Variants in SEMA6D observed in about 807,000 individuals in gnomAD.
SEMA6D encodes the protein semaphorin 6D, also known as semaphorin-6D.
In SEMA6D, 35 loss-of-function variants were observed where a neutral mutation model predicts 106.6. The observed-to-expected ratio is 0.33, with a 90% CI of 0.25 to 0.44. The LOEUF (loss-of-function observed/expected upper bound fraction) is 0.44, where lower values mean the gene tolerates loss of function less well. Ranked by LOEUF, SEMA6D falls within the 20% of genes least tolerant of loss-of-function variation. SEMA6D has a pLI of 1.00. For synonymous variants in SEMA6D, 499 were observed against 487.7 expected (o/e 1.02, Z -0.31); for missense variants, 1,185 against 1,345.9 (o/e 0.88, Z 1.87).
chr15:47,489,938 C>T (rs2043420256), intron 3 of SEMA6D, among the ~76,000 whole-genome samples: 1 of 152,146 alleles, frequency 6.6e-6, no homozygotes, highest in Non-Finnish European at 1.5e-5. Flanking sequence ...AGATGTGAGC[C>T]ACCACTCTCG....
chr15:47,279,696 G>T (rs993673534), intron 1 of SEMA6D, among the ~76,000 whole-genome samples: 1 of 152,068 alleles, frequency 6.6e-6, no homozygotes, highest in Non-Finnish European at 1.5e-5. Context: ...TTTGAGAGAC[G>T]TCCCATCAAT....
intron 1 of SEMA6D, among the ~76,000 whole-genome samples, chr15:47,300,371 G>A (rs2035972727): frequency 6.6e-6 from 1 of 151,754 alleles, no homozygotes; most frequent in South Asian, 2.1e-4. Context: ...AAAGAATGCA[G>A]TCAAGTTAAA....
Position 47,289,393 on chromosome 15 carries a change from CAAAA to C in SEMA6D, c.-239+104995_-239+104998del, listed in dbSNP as rs746946975. The stretch of plus-strand genomic sequence containing the variant: ...TGGGTGACAGAGCAAAACTCCATCT[CAAAA>C]AAAAAAAAAAAAAAAAAAAGAAAAG... On this transcript the variant is annotated intron_variant, in intron 1 of 19. Transcript: ENST00000558014. Among the ~76,000 whole-genome samples the C allele has an allele frequency of 1.5e-4, 7 of 46,546 alleles. No homozygotes were observed. In the South Asian group the frequency reaches 6.6e-3, roughly 44 times the overall value. 30.5% of individuals were successfully genotyped at this position (46,546 alleles called of 152,430 possible). A position where few individuals can be genotyped will look rare whatever the true frequency, so the allele number is the denominator to read the frequency against.
chr15:47,516,781 A>T (rs2044402821), intron 3 of SEMA6D, among the ~76,000 whole-genome samples: 1 of 152,218 alleles, frequency 6.6e-6, no homozygotes, highest in South Asian at 2.1e-4. Flanking sequence ...AGATTTGCTC[A>T]TAATTACCAA....
At chr15:47,448,335 T>C (rs902736566) in intron 2 of SEMA6D, among the ~76,000 whole-genome samples, 6 of 151,518 alleles carry the variant, frequency 4.0e-5, no homozygotes, top group Non-Finnish European at 7.4e-5. Context: ...TGGGCACAGC[T>C]GATCTGGTCC....
At chr15:47,726,506 G>A (rs114247368) in intron 1 of SEMA6D, among the ~76,000 whole-genome samples, 1,873 of 152,312 alleles carry the variant, frequency 0.012, 35 homozygotes, top group African/African-American at 0.043. Context: ...AGGGTACCTG[G>A]ACCCATGATA....
At chr15:47,614,767 C>T (rs1229229065) in intron 4 of SEMA6D, among the ~76,000 whole-genome samples, 1 of 152,116 alleles carries the variant, frequency 6.6e-6, no homozygotes, top group Non-Finnish European at 1.5e-5. Context: ...GGAGTCAGAC[C>T]CTTCTGGGCT....
chr15:47,608,358 G>T (rs1387273797), intron 4 of SEMA6D, among the ~76,000 whole-genome samples: 1 of 152,122 alleles, frequency 6.6e-6, no homozygotes, highest in African/African-American at 2.4e-5. Flanking sequence ...ACTGGGGATG[G>T]TTTTACTTTT....
chr15:47,595,487 T>C (rs1050866917), intron 3 of SEMA6D, among the ~76,000 whole-genome samples: 5 of 151,738 alleles, frequency 3.3e-5, no homozygotes, highest in African/African-American at 1.2e-4. Flanking sequence ...AGTACTCTTG[T>C]TGTTGTTGAG....
intron 4 of SEMA6D, among the ~76,000 whole-genome samples, chr15:47,623,247 C>A (rs2077141402): frequency 6.6e-6 from 1 of 152,206 alleles, no homozygotes; most frequent in Admixed American, 6.5e-5. Context: ...GTCTCAGCCT[C>A]ATGTGTTAGC....
chr15:47,488,490 C>CATGAGAT (rs1169074186), intron 3 of SEMA6D, among the ~76,000 whole-genome samples: 1 of 150,818 alleles, frequency 6.6e-6, no homozygotes, highest in Non-Finnish European at 1.5e-5. Flanking sequence ...AAAAAAACTG[C>CATGAGAT]ATGAGATTCC....
chr15:47,333,530 C>G (rs1366077007), intron 1 of SEMA6D, among the ~76,000 whole-genome samples: 1 of 151,836 alleles, frequency 6.6e-6, no homozygotes, highest in African/African-American at 2.4e-5. Context: ...AGTCCCAGAC[C>G]CAGAAGTACC....
intron 1 of SEMA6D, among the ~76,000 whole-genome samples, chr15:47,317,078 A>G (rs376627988): frequency 9.7e-4 from 147 of 152,188 alleles, no homozygotes; most frequent in South Asian, 1.5e-3. Flanking sequence ...TAGTTAATCA[A>G]TTTCTTTATA....
intron 2 of SEMA6D, among the ~76,000 whole-genome samples, chr15:47,439,481 C>G (rs1239001253): frequency 6.6e-6 from 1 of 152,100 alleles, no homozygotes; most frequent in Non-Finnish European, 1.5e-5. Flanking sequence ...TTTGAATGTA[C>G]TTTCTTCTCT....
intron 2 of SEMA6D, among the ~76,000 whole-genome samples, chr15:47,424,674 A>G (rs1567070228): frequency 6.6e-6 from 1 of 152,160 alleles, no homozygotes; most frequent in Non-Finnish European, 1.5e-5. Flanking sequence ...GCTAGGTCCT[A>G]CTGATGTAGG....
rs149759580 is a variant in SEMA6D, at chr15:47,265,858, C to T, written c.-239+81440C>T. On this transcript the variant is annotated intron_variant, in intron 1 of 19. Transcript: ENST00000558014. ...CCACAGTGTTAATCCTCTGCTCTTG[C>T]TCCTCAGAGAGTGCAACCTTTGTTG... 2.3e-3 allele frequency among the ~76,000 whole-genome samples: 350 copies of T among 152,224 alleles called. 2 individuals are homozygous for T. The highest frequency in any genetic ancestry group is 5.4e-3 in the South Asian group (26 of 4,830).
In SEMA6D at chr15:47,366,337, A is replaced by G. The variant is rs183351787; in HGVS notation, c.-238-46056A>G. Reference sequence around the variant, plus strand: ...TAAGGGTGGCACCTTCTGGAGTTGTACAGTGTGAACCTGCAAAGCCACGTG... The same window carrying G: ...TAAGGGTGGCACCTTCTGGAGTTGTGCAGTGTGAACCTGCAAAGCCACGTG... On this transcript the variant is annotated intron_variant, in intron 1 of 19. Coordinates refer to the SEMA6D transcript ENST00000558014. Among the ~76,000 whole-genome samples, 15 of 152,312 alleles carry G rather than the reference A, an allele frequency of 9.8e-5. No homozygotes were observed. The East Asian group carries it at 1.5e-3, about 16-fold the overall frequency.
chr15:47,699,042 A>G (rs1027536913), intron 4 of SEMA6D, among the ~76,000 whole-genome samples: 12 of 151,334 alleles, frequency 7.9e-5, no homozygotes, highest in Non-Finnish European at 1.3e-4. Context: ...AGAATATGAA[A>G]GAAGAATAAT....
intron 3 of SEMA6D, among the ~76,000 whole-genome samples, chr15:47,534,068 G>A (rs1489688415): frequency 6.6e-6 from 1 of 152,260 alleles, no homozygotes; most frequent in African/African-American, 2.4e-5. Context: ...AATGCTTTGT[G>A]GCACAGATTG....
Sources: gnomAD v4.1 joint callset for allele counts (sites outside exome capture counted in the v4.1 genomes callset) on GRCh38, gnomAD v4.1.1 for gene constraint, MANE v1.5 for transcripts, NCBI Gene and HGNC (gene_info 2026-07-23, HGNC 2026-07-21) for gene names.